IDO2: variants seen among roughly 807,000 people sequenced by gnomAD.
The protein encoded by IDO2 is indoleamine 2,3-dioxygenase-like 1 protein.
Under a neutral mutation model 45.1 loss-of-function variants are expected in IDO2, and 46 were observed. The observed-to-expected ratio is 1.02, with a 90% confidence interval of 0.80 to 1.30. The LOEUF (loss-of-function observed/expected upper bound fraction) is 1.30. Among genes scored for constraint, IDO2 ranks in the 50% most tolerant of loss-of-function variants. The pLI is 0.00. For missense variants in IDO2, 544 were observed against 491.8 expected, an observed-to-expected ratio of 1.11 and a Z score of -1.00; for synonymous variants, 218 against 184.9, an observed-to-expected ratio of 1.18 and a Z score of -1.45.
chr8:39,944,758 C>T (rs1344452173), intron 1 of IDO2, among the ~76,000 whole-genome samples: 2 of 151,998 alleles, frequency 1.3e-5, no homozygotes, highest in Non-Finnish European at 2.9e-5. Context: ...TTAACTGGAC[C>T]CCCCTCCCCT....
chr8:39,979,018 G>A (rs1473287248), intron 3 of IDO2, 49 bp from the exon 4 acceptor site: 22 of 1,548,794 alleles, frequency 1.4e-5, no homozygotes, highest in Non-Finnish European at 1.8e-5. Context: ...TACCTCCCCT[G>A]TCCCGGTTCC....
At chr8:40,013,286 C>G (rs1206409077) in intron 9 of IDO2, among the ~76,000 whole-genome samples, 2 of 152,122 alleles carry the variant, frequency 1.3e-5, no homozygotes, top group African/African-American at 2.4e-5. Context: ...ATAAATATGT[C>G]TTGGGACCTG....
Position 39,947,504 on chromosome 8 carries a change from C to A in IDO2, c.-17-1645C>A, listed in dbSNP as rs527966455. 1.7e-4 allele frequency among the ~76,000 whole-genome samples: 26 copies of A among 152,320 alleles called. No individual in the cohort carries two copies. In the East Asian group the frequency reaches 4.8e-3, roughly 28 times the overall value. On this transcript the variant is annotated intron_variant, in intron 1 of 10. Transcript: ENST00000502986. Reference sequence around the variant, plus strand: ...TATTTAAAAGTGTTTTTACCTTTCTCAGCGTTCCACAAGTTACTTCCTCCT... The same window carrying A: ...TATTTAAAAGTGTTTTTACCTTTCTAAGCGTTCCACAAGTTACTTCCTCCT...
chr8:39,982,921 C>T (rs550352453), intron 5 of IDO2, among the ~76,000 whole-genome samples, 151 bp downstream of exon 5: 189 of 152,186 alleles, frequency 1.2e-3, no homozygotes, highest in African/African-American at 4.3e-3. Flanking sequence ...ATATCACAGG[C>T]CCCAGAAGTT....
chr8:39,970,794 G>GTC (rs1808166129), intron 3 of IDO2, among the ~76,000 whole-genome samples: 1 of 131,938 alleles, frequency 7.6e-6, no homozygotes, highest in South Asian at 2.4e-4. Flanking sequence ...TTGAGACAGA[G>GTC]TCTCACTCTG....
rs754433475 is a variant in IDO2, at chr8:39,935,235, C to G, written c.-18+17C>G. On this transcript the variant is annotated intron_variant, in intron 1 of 10. Coordinates refer to ENST00000502986, the Ensembl canonical transcript of IDO2. ...ATTATTATGGTAAGTACACTGGTAA[C>G]TTCTTTTCTAACCTCGTATGCATAA... is the stretch of plus-strand genomic sequence containing the variant. 1.6e-5 allele frequency: 25 copies of G among 1,607,064 alleles called. No individual in the cohort carries two copies. Among genetic ancestry groups the G allele is most frequent in the Non-Finnish European group, 8.5e-7 (1 of 1,174,008 alleles).
At chr8:39,967,439 G>A (rs1808103899) in intron 3 of IDO2, among the ~76,000 whole-genome samples, 1 of 152,136 alleles carries the variant, frequency 6.6e-6, no homozygotes, top group Non-Finnish European at 1.5e-5. Flanking sequence ...TTTATTTACA[G>A]AGTAAATACA....
At chr8:39,961,620 C>A (rs914841100) in intron 2 of IDO2, among the ~76,000 whole-genome samples, 2 of 152,146 alleles carry the variant, frequency 1.3e-5, no homozygotes, top group African/African-American at 4.8e-5. Flanking sequence ...TCGTGCCCAG[C>A]CCCAATTGTA....
Position 39,989,847 on chromosome 8 carries a change from C to A in IDO2, c.667+9C>A. 1 of 1,554,648 alleles carries A rather than the reference C, an allele frequency of 6.4e-7. No individual in the cohort carries two copies. Among genetic ancestry groups the A allele is most frequent in the Non-Finnish European group, 8.8e-7 (1 of 1,142,510 alleles). The stretch of plus-strand genomic sequence containing the variant: ...CTTAGGACAGATGCATGGTAAGATG[C>A]TTCCGAAGCTCCTGAAGGATCCCCC... On this transcript the variant is annotated intron_variant, in intron 8 of 10. Coordinates refer to ENST00000502986, the Ensembl canonical transcript of IDO2.
chr8:39,949,005 G>T, intron 1 of IDO2, 144 bp from the exon 2 acceptor site: 1 of 1,037,324 alleles, frequency 9.6e-7, no homozygotes, highest in Non-Finnish European at 1.4e-6. Context: ...CTCAGAGAAA[G>T]TCCATGATGA....
chr8:40,009,867 T>G (rs557844408), intron 9 of IDO2, among the ~76,000 whole-genome samples: 1 of 152,324 alleles, frequency 6.6e-6, no homozygotes, highest in Non-Finnish European at 1.5e-5. Context: ...GAACTATGCT[T>G]GGGCTACATA....
chr8:39,992,496 G>C (rs902334758), intron 8 of IDO2, among the ~76,000 whole-genome samples: 2 of 152,124 alleles, frequency 1.3e-5, no homozygotes, highest in Non-Finnish European at 2.9e-5. Flanking sequence ...ATCTTGTTCT[G>C]CCCAGATTCC....
chr8:40,003,504 A>G (rs1221410658), intron 8 of IDO2, among the ~76,000 whole-genome samples: 3 of 152,056 alleles, frequency 2.0e-5, no homozygotes, highest in Non-Finnish European at 4.4e-5. Context: ...TGTTTCTAAT[A>G]AATATGGTGT....
chr8:39,962,381 C>A (rs754897950), intron 2 of IDO2, among the ~76,000 whole-genome samples: 4 of 152,172 alleles, frequency 2.6e-5, no homozygotes, highest in Non-Finnish European at 4.4e-5. Context: ...GACTTTATAT[C>A]TTAAAGTCCT....
At position 39,966,026 on chromosome 8, in the gene IDO2, C is replaced by CTTTTT. The variant is rs59731560; in HGVS notation, c.195+2339_195+2343dup. On this transcript the variant is annotated intron_variant, in intron 3 of 10. Transcript: ENST00000502986. ...ACAACACTCTTGGTCTCTATCGCTT[C>CTTTTT]TTTTTTTTTTTTTTTTTTTTGAGAC... 2.4e-3 allele frequency among the ~76,000 whole-genome samples: 232 copies of CTTTTT among 96,532 alleles called. 6 individuals are homozygous for CTTTTT. Among genetic ancestry groups the CTTTTT allele is most frequent in the African/African-American group, 2.7e-3 (74 of 27,810 alleles). 63.3% of individuals were successfully genotyped at this position (96,532 alleles called of 152,430 possible). A position where few individuals can be genotyped will look rare whatever the true frequency, so the allele number is the denominator to read the frequency against.
At chr8:39,963,532 A>G (rs1350596544) in intron 2 of IDO2, 76 bp from the exon 3 acceptor site, 1 of 793,374 alleles carries the variant, frequency 1.3e-6, no homozygotes, top group Non-Finnish European at 2.1e-6. Flanking sequence ...GAAGACTGAA[A>G]TGTGAAAATA....
chr8:39,973,142 T>C (rs889261896), intron 3 of IDO2, among the ~76,000 whole-genome samples: 2 of 152,168 alleles, frequency 1.3e-5, no homozygotes, highest in South Asian at 4.1e-4. Context: ...AGGGAAGTTA[T>C]AGATCAGCAA....
intron 5 of IDO2, chr8:39,984,954 C>T (rs1190855455): frequency 7.3e-6 from 3 of 412,904 alleles, no homozygotes; most frequent in East Asian, 7.9e-5. Flanking sequence ...TTTTCAGAGA[C>T]GGAGTCTCCC....
chr8:39,980,400 T>A (rs1378929420), intron 4 of IDO2, among the ~76,000 whole-genome samples: 1 of 152,200 alleles, frequency 6.6e-6, no homozygotes, highest in East Asian at 1.9e-4. Context: ...ATTTTTTTTT[T>A]AATACTGCTT....
Sources: allele counts gnomAD v4.1 joint callset (sites outside exome capture counted in the v4.1 genomes callset), GRCh38; gene constraint gnomAD v4.1.1; transcripts MANE v1.5; gene names NCBI Gene and HGNC (gene_info 2026-07-23, HGNC 2026-07-21).